The following MAN2A1 variants were observed in gnomAD, a reference collection of about 807,000 sequenced individuals.
The protein encoded by MAN2A1 is alpha-mannosidase 2.
A neutral mutation model predicts 142.6 loss-of-function variants in MAN2A1; 76 were observed. The observed-to-expected ratio is 0.53, with a 90% CI of 0.44 to 0.65. The LOEUF is 0.65. Among genes scored for constraint, MAN2A1 ranks in the 30% least tolerant of loss-of-function variants. The pLI, the probability that MAN2A1 is intolerant of heterozygous loss-of-function variation, is 0.00. For missense variants in MAN2A1, 1,311 were observed against 1,365.1 expected (o/e 0.96, Z 0.62); for synonymous variants, 559 against 473.2 (o/e 1.18, Z -2.35).
At chr5:109,726,005 T>A (rs186895456) in intron 3 of MAN2A1, among the ~76,000 whole-genome samples, 3 of 152,296 alleles carry the variant, frequency 2.0e-5, no homozygotes, top group Non-Finnish European at 4.4e-5. Flanking sequence ...CCCCACTTAT[T>A]TAAAATAGCT....
At position 109,842,229 on chromosome 5, in the gene MAN2A1, A is replaced by G. The variant is rs971375173; in HGVS notation, c.2567-99A>G. 31 of 694,628 alleles carry G rather than the reference A, an allele frequency of 4.5e-5. No individual in the cohort carries two copies. The East Asian group carries it at 9.9e-4, about 22-fold the overall frequency. 43.0% of individuals were successfully genotyped at this position (694,628 alleles called of 1,614,324 possible). A position where few individuals can be genotyped will look rare whatever the true frequency, so the allele number is the denominator to read the frequency against. On this transcript the variant is annotated intron_variant, in intron 16 of 21. Coordinates refer to ENST00000261483, the MANE Select transcript of MAN2A1 (RefSeq NM_002372.4). The stretch of plus-strand genomic sequence containing the variant: ...ATGTTAAGACAAGAAGTAGAAAACA[A>G]GAAAATGTAACTTTGGAAAGAGTTC...
intron 1 of MAN2A1, among the ~76,000 whole-genome samples, chr5:109,694,939 G>A (rs1750771882): frequency 6.6e-6 from 1 of 152,164 alleles, no homozygotes; most frequent in South Asian, 2.1e-4. Flanking sequence ...GTTCACGTTT[G>A]TATGAGGGAG....
intron 4 of MAN2A1, among the ~76,000 whole-genome samples, chr5:109,732,678 T>C (rs562323680): frequency 3.0e-4 from 45 of 152,302 alleles, no homozygotes; most frequent in Non-Finnish European, 6.2e-4. Context: ...GTTGCAGATA[T>C]GTGGCATTAT....
chr5:109,852,003 A>C (rs1755493445), intron 19 of MAN2A1, among the ~76,000 whole-genome samples: 1 of 152,048 alleles, frequency 6.6e-6, no homozygotes. Flanking sequence ...GCTCCAGCTG[A>C]TTGTTTCCAC....
chr5:109,713,672 A>C lies in MAN2A1; in HGVS notation c.288A>C (p.Gln96His). 1 of 1,614,236 alleles carries C rather than the reference A, an allele frequency of 6.2e-7. No homozygotes were observed. The highest frequency in any genetic ancestry group is 8.5e-7 in the Non-Finnish European group (1 of 1,180,030). ...AAAGTTCACAAAGCAATTTCAGCCA[A>C]GGTGCTGGCTCACATCTTCTGCCCT... Reference protein sequence around the residue: ...GPKSSQSNFSQGAGSHLLPSQ... With the variant: ...GPKSSQSNFSHGAGSHLLPSQ... The change falls in exon 2 of 22, where the codon CAA (glutamine) becomes CAC (histidine). Residue 96 changes from glutamine (Q) to histidine (H), a missense_variant. Coordinates refer to ENST00000261483, the MANE Select transcript of MAN2A1 (RefSeq NM_002372.4).
intron 1 of MAN2A1, among the ~76,000 whole-genome samples, chr5:109,705,863 C>T (rs1751115782): frequency 6.6e-6 from 1 of 152,162 alleles, no homozygotes; most frequent in African/African-American, 2.4e-5. Flanking sequence ...ATTCTGATTT[C>T]TTGTGTCCTC....
At chr5:109,722,014 A>G (rs1244179301) in intron 3 of MAN2A1, among the ~76,000 whole-genome samples, 1 of 152,222 alleles carries the variant, frequency 6.6e-6, no homozygotes, top group South Asian at 2.1e-4. Flanking sequence ...AGGAGAGAGC[A>G]TAAGTGATCT....
At chr5:109,788,594 C>A (rs1379000799) in intron 10 of MAN2A1, among the ~76,000 whole-genome samples, 1 of 151,778 alleles carries the variant, frequency 6.6e-6, no homozygotes, top group Non-Finnish European at 1.5e-5. Context: ...AGTAGCAAAT[C>A]ATTGTTTTTT....
At chr5:109,764,303 T>C (rs1752933239) in intron 5 of MAN2A1, among the ~76,000 whole-genome samples, 1 of 152,222 alleles carries the variant, frequency 6.6e-6, no homozygotes. Flanking sequence ...TTCTTCTTAA[T>C]GTTTTCCATA....
At chr5:109,784,686 T>G (rs1463667011) in intron 9 of MAN2A1, 58 bp from the exon 10 acceptor site, 1 of 1,356,474 alleles carries the variant, frequency 7.4e-7, no homozygotes, top group Admixed American at 2.7e-5. Context: ...GTCACAAGTT[T>G]TAGATTATAA....
At position 109,747,420 on chromosome 5, in the gene MAN2A1, C is replaced by T. The variant is rs548442178; in HGVS notation, c.708-7909C>T. ...GAATTTCACTAGTTTTCTGTGATAT[C>T]GTTTTTAATGGCTGAATAATGTTCT... On this transcript the variant is annotated intron_variant, in intron 4 of 21. Coordinates refer to ENST00000261483, the MANE Select transcript of MAN2A1 (RefSeq NM_002372.4). Among the ~76,000 whole-genome samples, 8 of 152,182 alleles carry T rather than the reference C, an allele frequency of 5.3e-5. No homozygotes were observed. In the South Asian group the frequency reaches 1.0e-3, roughly 20 times the overall value.
intron 1 of MAN2A1, among the ~76,000 whole-genome samples, chr5:109,701,501 A>T (rs1435008187): frequency 6.6e-6 from 1 of 152,196 alleles, no homozygotes; most frequent in African/African-American, 2.4e-5. Flanking sequence ...GTTATTGAAT[A>T]TACCAGGAAG....
chr5:109,734,684 A>G (rs868606564), intron 4 of MAN2A1, among the ~76,000 whole-genome samples: 5 of 152,088 alleles, frequency 3.3e-5, no homozygotes, highest in South Asian at 4.1e-4. Flanking sequence ...AGTGGTTTTG[A>G]GTGAGTTTCT....
intron 12 of MAN2A1, among the ~76,000 whole-genome samples, chr5:109,803,839 A>C (rs11958393): frequency 0.082 from 12,412 of 152,086 alleles, 620 homozygotes; most frequent in African/African-American, 0.14. Context: ...AAGTTGTATA[A>C]AGTACTGTGA....
At chr5:109,785,041 C>T (rs949498437) in intron 10 of MAN2A1, 115 bp downstream of exon 10, 3 of 674,726 alleles carry the variant, frequency 4.4e-6, no homozygotes, top group East Asian at 2.9e-5. Context: ...CAATGATATC[C>T]CTCATAAGTA....
chr5:109,737,517 G>T (rs1005130218), intron 4 of MAN2A1, among the ~76,000 whole-genome samples: 1 of 151,748 alleles, frequency 6.6e-6, no homozygotes. Flanking sequence ...AAAAGGTGGG[G>T]TTTGTAGAAT....
intron 16 of MAN2A1, among the ~76,000 whole-genome samples, chr5:109,828,219 A>T (rs1754809535): frequency 6.6e-6 from 1 of 152,146 alleles, no homozygotes; most frequent in Admixed American, 6.5e-5. Flanking sequence ...AATGCAATTT[A>T]TTTCATTTGT....
chr5:109,727,638 C>G (rs147228077), intron 3 of MAN2A1, among the ~76,000 whole-genome samples: 1 of 152,124 alleles, frequency 6.6e-6, no homozygotes, highest in Non-Finnish European at 1.5e-5. Context: ...ATTGGGTGTT[C>G]AGAATATTTT....
intron 8 of MAN2A1, among the ~76,000 whole-genome samples, chr5:109,777,898 A>G (rs1753339277): frequency 6.6e-6 from 1 of 152,042 alleles, no homozygotes; most frequent in South Asian, 2.1e-4. Context: ...TACACTCTCT[A>G]TTCACTTTTA....
Sources: gnomAD v4.1 joint callset for allele counts (sites outside exome capture counted in the v4.1 genomes callset) on GRCh38, gnomAD v4.1.1 for gene constraint, MANE v1.5 for transcripts, NCBI Gene and HGNC (gene_info 2026-07-23, HGNC 2026-07-21) for gene names.